The following ITPR2 variants were observed in gnomAD, a reference collection of about 807,000 sequenced individuals.
ITPR2 encodes inositol 1,4,5-trisphosphate-gated calcium channel ITPR2.
ITPR2 carries 207 observed loss-of-function variants against 317.1 expected under a neutral mutation model. The ratio of observed to expected loss-of-function variants is 0.65; its 90% confidence interval spans 0.58 to 0.73. The LOEUF (loss-of-function observed/expected upper bound fraction) is 0.73. Ranked by LOEUF, ITPR2 falls within the 30% of genes least tolerant of loss-of-function variation. ITPR2 has a pLI of 0.00. For synonymous variants in ITPR2, 1,156 were observed against 1,149.1 expected (o/e 1.01, Z -0.12); for missense variants, 2,613 against 3,284.0 (o/e 0.80, Z 4.99).
At chr12:26,348,603 G>A (rs1020773841) in intron 55 of ITPR2, among the ~76,000 whole-genome samples, 5 of 152,222 alleles carry the variant, frequency 3.3e-5, no homozygotes, top group Non-Finnish European at 7.3e-5. Context: ...GCATTCATGA[G>A]GGAGGAAGGA....
At chr12:26,711,591 C>T (rs1008031552) in intron 8 of ITPR2, among the ~76,000 whole-genome samples, 1 of 152,158 alleles carries the variant, frequency 6.6e-6, no homozygotes, top group Admixed American at 6.5e-5. Flanking sequence ...TACTTGGCAG[C>T]TTGCATTAAG....
At chr12:26,704,428 A>G (rs1948512497) in intron 9 of ITPR2, among the ~76,000 whole-genome samples, 2 of 152,200 alleles carry the variant, frequency 1.3e-5, no homozygotes, top group Admixed American at 6.5e-5. Flanking sequence ...TGACATAGGA[A>G]CTGCACAACA....
chr12:26,689,704 A>G (rs1259451090), intron 10 of ITPR2, among the ~76,000 whole-genome samples: 3 of 152,208 alleles, frequency 2.0e-5, no homozygotes, highest in Non-Finnish European at 2.9e-5. Context: ...AACAAGGTCT[A>G]TGCAATCCTC....
intron 30 of ITPR2, among the ~76,000 whole-genome samples, chr12:26,597,385 G>A (rs565009440): frequency 7.8e-4 from 118 of 152,162 alleles, no homozygotes; most frequent in African/African-American, 2.7e-3. Flanking sequence ...GAAACAACAT[G>A]GATGAAAGTA....
In ITPR2 at chr12:26,645,528, A is replaced by T. The variant is rs887189937; in HGVS notation, c.2740+8448T>A. On this transcript the variant is annotated intron_variant, in intron 21 of 56. Transcript: ENST00000381340. ...GTTCTTTCAGAAACAAAGGGACTTC[A>T]CTGAAAGCAGAGCATGGACAGAGGG... Among the ~76,000 whole-genome samples, 5 of 152,270 alleles carry T rather than the reference A, an allele frequency of 3.3e-5. No individual in the cohort carries two copies. The South Asian group carries it at 1.0e-3, about 31-fold the overall frequency.
intron 1 of ITPR2, among the ~76,000 whole-genome samples, chr12:26,821,822 A>G (rs1950943382): frequency 6.6e-6 from 1 of 152,248 alleles, no homozygotes; most frequent in Non-Finnish European, 1.5e-5. Context: ...AGGTTTGCAA[A>G]TAATTTAATT....
intron 37 of ITPR2, among the ~76,000 whole-genome samples, chr12:26,516,193 G>A (rs1249364324): frequency 1.8e-5 from 2 of 110,050 alleles, no homozygotes; most frequent in Non-Finnish European, 3.9e-5. Flanking sequence ...GGGGAGGCGG[G>A]GGAGGGAAGG....
At chr12:26,466,889 G>T (rs949295155) in intron 45 of ITPR2, among the ~76,000 whole-genome samples, 1 of 152,116 alleles carries the variant, frequency 6.6e-6, no homozygotes, top group South Asian at 2.1e-4. Context: ...TGTTTTCTAC[G>T]TTCTGCACTA....
At chr12:26,790,099 CAT>C (rs1950317325) in intron 2 of ITPR2, 56 bp downstream of exon 2, 1 of 1,096,468 alleles carries the variant, frequency 9.1e-7, no homozygotes, top group East Asian at 2.4e-5. Flanking sequence ...TACTTTGAGA[CAT>C]AAAAATAATC....
chr12:26,695,689 GA>G, intron 9 of ITPR2, 39 bp from the exon 10 acceptor site: 1 of 1,369,858 alleles, frequency 7.3e-7, no homozygotes, highest in Non-Finnish European at 1.0e-6. Context: ...TCATTGCTAT[GA>G]AAAGCACACT....
rs1235751400 is a variant in ITPR2 at position 26,833,170 on chromosome 12, C to G, written c.-389G>C. Reference sequence around the variant, plus strand: ...TCCCTGCTCTGCGACCCGCTGCGGCCGTCACAGCCGCCCGGCGGGAGCTGG... The same window carrying G: ...TCCCTGCTCTGCGACCCGCTGCGGCGGTCACAGCCGCCCGGCGGGAGCTGG... On this transcript the variant is annotated 5_prime_UTR_variant, in exon 1 of 57. Coordinates refer to ENST00000381340, the MANE Select transcript of ITPR2 (RefSeq NM_002223.4). 9.4e-6 allele frequency: 2 copies of G among 212,538 alleles called. No individual in the cohort carries two copies. The highest frequency in any genetic ancestry group is 1.9e-5 in the Non-Finnish European group (2 of 108,008). 13.2% of individuals were successfully genotyped at this position (212,538 alleles called of 1,614,324 possible).
chr12:26,476,599 T>C (rs2136823962), intron 44 of ITPR2, among the ~76,000 whole-genome samples: 1 of 152,330 alleles, frequency 6.6e-6, no homozygotes, highest in South Asian at 2.1e-4. Context: ...CTTCCTCATA[T>C]GCTCCAATAC....
intron 13 of ITPR2, among the ~76,000 whole-genome samples, chr12:26,670,626 T>C (rs1447181077): frequency 3.3e-5 from 5 of 151,902 alleles, no homozygotes. Context: ...AACTGGAAAC[T>C]CTAAAAAGCA....
intron 50 of ITPR2, among the ~76,000 whole-genome samples, chr12:26,416,764 C>G (rs1225144280): frequency 6.6e-6 from 1 of 152,158 alleles, no homozygotes; most frequent in Non-Finnish European, 1.5e-5. Flanking sequence ...CATTCAACTT[C>G]CAAATTGTCA....
In ITPR2 at chr12:26,832,987, C is replaced by CT. The variant is rs1951143696; in HGVS notation, c.-207dup. 2 of 520,476 alleles carry CT rather than the reference C, an allele frequency of 3.8e-6. No individual in the cohort carries two copies. The highest frequency in any genetic ancestry group is 3.3e-6 in the Non-Finnish European group (1 of 301,188). The allele number at this position is 520,476 out of a possible 1,614,324, so 32.2% of individuals were successfully genotyped here. A position where few individuals can be genotyped will look rare whatever the true frequency, so the allele number is the denominator to read the frequency against. On this transcript the variant is annotated 5_prime_UTR_variant, in exon 1 of 57. Transcript: ENST00000381340. ...AAGCCAGACCGGGGCCAAGCCGCAGCTGCGGACACCCCGCGAAGAGCGCAG... is the reference window on the plus strand; with the variant it reads ...AAGCCAGACCGGGGCCAAGCCGCAGCTTGCGGACACCCCGCGAAGAGCGCAG...
At chr12:26,776,179 C>G (rs200611674) in intron 2 of ITPR2, among the ~76,000 whole-genome samples, 1 of 151,848 alleles carries the variant, frequency 6.6e-6, no homozygotes, top group Non-Finnish European at 1.5e-5. Flanking sequence ...TAAAGAGTTA[C>G]GCAAAATAAA....
chr12:26,682,713 T>A, intron 11 of ITPR2, 40 bp from the exon 12 acceptor site: 1 of 1,195,286 alleles, frequency 8.4e-7, no homozygotes, highest in Non-Finnish European at 1.2e-6. Flanking sequence ...TTATAAAAAA[T>A]TAGCACACTT....
chr12:26,679,985 T>C (rs1215398786), intron 13 of ITPR2, among the ~76,000 whole-genome samples: 1 of 152,036 alleles, frequency 6.6e-6, no homozygotes, highest in Non-Finnish European at 1.5e-5. Context: ...TGGAAAAAAC[T>C]ACAGTAGGCA....
chr12:26,702,335 C>G (rs1441210089), intron 9 of ITPR2, among the ~76,000 whole-genome samples: 1 of 113,862 alleles, frequency 8.8e-6, no homozygotes, highest in East Asian at 2.7e-4. Flanking sequence ...TTCATAATTA[C>G]TTTGTTCCAC....
Sources: allele counts gnomAD v4.1 joint callset (sites outside exome capture counted in the v4.1 genomes callset), GRCh38; gene constraint gnomAD v4.1.1; transcripts MANE v1.5; gene names NCBI Gene and HGNC (gene_info 2026-07-23, HGNC 2026-07-21).